LARGE1: variants seen among roughly 807,000 people sequenced by gnomAD.
The protein encoded by LARGE1 is LARGE xylosyl- and glucuronyltransferase 1.
A neutral mutation model predicts 87.6 loss-of-function variants in LARGE1; 43 were observed. That is an observed-to-expected ratio of 0.49 (90% CI 0.38 to 0.63). LARGE1 has a LOEUF of 0.63. Ranked by LOEUF, LARGE1 falls within the 30% of genes least tolerant of loss-of-function variation. The pLI is 0.00. For synonymous variants in LARGE1, 434 were observed against 394.6 expected (o/e 1.10, Z -1.18); for missense variants, 802 against 1,000.2 (o/e 0.80, Z 2.67).
intron 6 of LARGE1, among the ~76,000 whole-genome samples, chr22:33,545,062 A>G (rs1041950059): frequency 3.9e-5 from 6 of 152,182 alleles, no homozygotes; most frequent in African/African-American, 1.4e-4. Flanking sequence ...ATCATGAGGA[A>G]GCACGTGTTA....
At chr22:33,123,768 C>T in the LARGE1 span, among the ~76,000 whole-genome samples, 1 of 152,300 alleles carries the variant, frequency 6.6e-6, no homozygotes, top group Admixed American at 6.5e-5. Context: ...AGCTCGGATT[C>T]ACCACAGAAC....
At position 33,277,110 on chromosome 22, in the gene LARGE1, C is replaced by A; in HGVS notation, c.2023G>T (p.Val675Leu). 1 of 1,614,242 alleles carries A rather than the reference C, an allele frequency of 6.2e-7. No individual in the cohort carries two copies. Among genetic ancestry groups the A allele is most frequent in the Non-Finnish European group, 8.5e-7 (1 of 1,180,034 alleles). ...GCCACTTTGTTCCAGCCAAAGCCTACAAACCTCCGGTCGTACTCCGGGCAG... is the reference window on the plus strand; with the variant it reads ...GCCACTTTGTTCCAGCCAAAGCCTAAAAACCTCCGGTCGTACTCCGGGCAG... ...RDCPEYDRRFVGFGWNKVAHI... is the reference protein window; with the variant it reads ...RDCPEYDRRFLGFGWNKVAHI... Residue 675 changes from valine (V) to leucine (L), a missense_variant, in exon 14 of 15, where the codon GTA (valine) becomes TTA (leucine). Physicochemically the swap from Val to Leu is conservative, Grantham distance 32 (BLOSUM62 1). Transcript: ENST00000397394.
chr22:33,895,903 G>C (rs2065132043), intron 1 of LARGE1, among the ~76,000 whole-genome samples: 1 of 152,136 alleles, frequency 6.6e-6, no homozygotes, highest in Non-Finnish European at 1.5e-5. Context: ...GCCTGCCAGA[G>C]ATACCTTATT....
Position 33,451,482 on chromosome 22 carries a change from A to G in LARGE1, c.788-19217T>C, listed in dbSNP as rs372904177. Among the ~76,000 whole-genome samples the G allele has an allele frequency of 2.0e-5, 3 of 151,640 alleles. No homozygotes were observed. In the East Asian group the frequency reaches 5.8e-4, roughly 29 times the overall value. On this transcript the variant is annotated intron_variant, in intron 6 of 14. Transcript: ENST00000397394. ...ACCCGAGCAGTAGACACTGTACCCA[A>G]TGTACAGTCTTTTATCCCTCACCCC...
At chr22:33,103,373 C>T in the LARGE1 span, among the ~76,000 whole-genome samples, 35 of 124,256 alleles carry the variant, frequency 2.8e-4, no homozygotes, top group African/African-American at 8.6e-4. Flanking sequence ...GCAGAGCTTG[C>T]AGTGAGCCGA....
intron 1 of LARGE1, among the ~76,000 whole-genome samples, chr22:33,837,980 C>A (rs1211601568): frequency 6.6e-6 from 1 of 152,226 alleles, no homozygotes; most frequent in Non-Finnish European, 1.5e-5. Context: ...TACTTTCTCT[C>A]TGGCAACTCG....
chr22:33,904,787 A>C (rs16993260), intron 1 of LARGE1, among the ~76,000 whole-genome samples: 1 of 152,172 alleles, frequency 6.6e-6, no homozygotes, highest in African/African-American at 2.4e-5. Context: ...GCACTCTGGC[A>C]TACACGATCA....
rs186855530 is a variant in LARGE1 at position 33,416,560 on chromosome 22, G to A, written c.892+15601C>T. On this transcript the variant is annotated intron_variant, in intron 7 of 14. Transcript: ENST00000397394. ...AGTGTTTTGTGTGTTTTTTTTGGGG[G>A]GCGGGGGAGGCAATGGTGGTGCAAG... Among the ~76,000 whole-genome samples, 116 of 152,090 alleles carry A rather than the reference G, an allele frequency of 7.6e-4. 3 individuals are homozygous for A. The East Asian group carries it at 0.02, about 26-fold the overall frequency.
intron 2 of LARGE1, among the ~76,000 whole-genome samples, chr22:33,668,662 G>A (rs752844096): frequency 1.4e-4 from 22 of 152,262 alleles, no homozygotes; most frequent in Admixed American, 1.3e-4. Context: ...ATGCAGGTAC[G>A]GAAGAGAGAG....
At chr22:33,770,670 G>A (rs1304902711) in intron 1 of LARGE1, among the ~76,000 whole-genome samples, 1 of 152,116 alleles carries the variant, frequency 6.6e-6, no homozygotes, top group Non-Finnish European at 1.5e-5. Context: ...GGGCAACAGA[G>A]TGAGACCCTA....
chr22:33,917,955 G>A (rs182243941), intron 1 of LARGE1, among the ~76,000 whole-genome samples: 4 of 152,118 alleles, frequency 2.6e-5, no homozygotes, highest in Non-Finnish European at 5.9e-5. Flanking sequence ...TTTCTTCTTC[G>A]ATGGTGGAAA....
chr22:33,182,712 G>A (rs1455560169), intron 11 of LARGE1, among the ~76,000 whole-genome samples: 1 of 152,174 alleles, frequency 6.6e-6, no homozygotes, highest in Non-Finnish European at 1.5e-5. Flanking sequence ...TACACAGTGA[G>A]GGAACAACAG....
At chr22:33,732,720 A>G (rs2083514932) in intron 2 of LARGE1, 1 of 152,198 alleles carries the variant, frequency 6.6e-6, no homozygotes, top group Non-Finnish European at 1.5e-5. Flanking sequence ...AGGGCTGCAT[A>G]TATTAGAAGC....
At chr22:33,870,410 A>G (rs1023377461) in intron 1 of LARGE1, among the ~76,000 whole-genome samples, 3 of 152,252 alleles carry the variant, frequency 2.0e-5, no homozygotes, top group Admixed American at 2.0e-4. Context: ...AAGTACTGAC[A>G]CAGTTGGGTT....
intron 9 of LARGE1, among the ~76,000 whole-genome samples, chr22:33,353,830 C>G (rs776053791): frequency 2.0e-5 from 3 of 152,196 alleles, no homozygotes; most frequent in Non-Finnish European, 2.9e-5. Context: ...AGAGTCAGCA[C>G]CATGCAATGA....
intron 11 of LARGE1, among the ~76,000 whole-genome samples, chr22:33,170,221 T>C (rs1922490566): frequency 1.3e-5 from 2 of 151,754 alleles, no homozygotes; most frequent in South Asian, 4.2e-4. Context: ...ATACAAAAAT[T>C]AGTCAGGCAT....
At chr22:33,124,997 A>G in the LARGE1 span, among the ~76,000 whole-genome samples, 1 of 152,326 alleles carries the variant, frequency 6.6e-6, no homozygotes, top group Middle Eastern at 3.4e-3. Flanking sequence ...TCATATTTAT[A>G]TCTACTTCTA....
At chr22:33,543,938 C>T (rs2077282644) in intron 6 of LARGE1, among the ~76,000 whole-genome samples, 1 of 152,184 alleles carries the variant, frequency 6.6e-6, no homozygotes, top group Non-Finnish European at 1.5e-5. Context: ...CTAAACTGTG[C>T]AAACAAAATG....
intron 3 of LARGE1, among the ~76,000 whole-genome samples, chr22:33,632,739 G>T (rs1187692213): frequency 1.3e-5 from 2 of 152,174 alleles, no homozygotes; most frequent in Non-Finnish European, 2.9e-5. Context: ...TGTCCTGTTG[G>T]CTGGAAAGAA....
Sources: gnomAD v4.1 joint callset for allele counts (sites outside exome capture counted in the v4.1 genomes callset) on GRCh38, gnomAD v4.1.1 for gene constraint, MANE v1.5 for transcripts, NCBI Gene and HGNC (gene_info 2026-07-23, HGNC 2026-07-21) for gene names.